The following NLRP13 variants were observed in gnomAD, a reference collection of about 807,000 sequenced individuals.
The protein encoded by NLRP13 is NACHT, LRR and PYD domains-containing protein 13.
NLRP13 carries 82 observed loss-of-function variants against 94.4 expected under a neutral mutation model. That is an observed-to-expected ratio of 0.87 (90% CI 0.73 to 1.04). The LOEUF (loss-of-function observed/expected upper bound fraction) is 1.04, where lower values mean the gene tolerates loss of function less well. Among genes scored for constraint, NLRP13 ranks in the 50% least tolerant of loss-of-function variants. The pLI is 0.00. For missense variants in NLRP13, 1,426 were observed against 1,230.8 expected (o/e 1.16, Z -2.37); for synonymous variants, 553 against 464.7 (o/e 1.19, Z -2.45).
chr19:55,906,970 T>G (rs35077832), intron 7 of NLRP13, among the ~76,000 whole-genome samples: 1 of 151,414 alleles, frequency 6.6e-6, no homozygotes, highest in Non-Finnish European at 1.5e-5. Context: ...ATTATTATTT[T>G]TTTTTTTGAG....
At chr19:55,926,729 T>C (rs1986974836) in intron 1 of NLRP13, among the ~76,000 whole-genome samples, 1 of 152,150 alleles carries the variant, frequency 6.6e-6, no homozygotes, top group Non-Finnish European at 1.5e-5. Context: ...GTGGGGGAAA[T>C]CTTGGCCTTG....
intron 4 of NLRP13, 133 bp downstream of exon 4, chr19:55,923,781 G>T: frequency 1.5e-6 from 1 of 685,458 alleles, no homozygotes; most frequent in Non-Finnish European, 2.6e-6. Flanking sequence ...AGAACCAGTT[G>T]GGAAGAGCTT....
Position 55,924,629 on chromosome 19 carries a change from G to T in NLRP13, c.418C>A (p.Pro140Thr). ...AGCTCGTCTAGTTCTTCTTGGTTTG[G>T]ATCTTGGCATCCCTGGGTCTGCATA... Reference protein sequence around the residue: ...GNMQTQGCQDPNQEELDELEE... With the variant: ...GNMQTQGCQDTNQEELDELEE... The change falls in exon 3 of 11, where the codon CCA (proline) becomes ACA (threonine). Residue 140 changes from proline (P) to threonine (T), a missense_variant. Physicochemically the swap from Pro to Thr is conservative, Grantham distance 38 (BLOSUM62 -1). Coordinates refer to ENST00000342929, the MANE Select transcript of NLRP13 (RefSeq NM_176810.2). The T allele has an allele frequency of 6.2e-7, 1 of 1,613,452 alleles. No individual in the cohort carries two copies. Among genetic ancestry groups the T allele is most frequent in the Non-Finnish European group, 8.5e-7 (1 of 1,179,692 alleles).
intron 9 of NLRP13, among the ~76,000 whole-genome samples, chr19:55,899,734 T>C (rs10422494): frequency 1 from 151,583 of 152,226 alleles, 75,473 homozygotes; most frequent in Middle Eastern, 1. Flanking sequence ...GAGCCGAGAT[T>C]GCACCATTGT....
At chr19:55,916,450 C>A (rs1171181923) in intron 4 of NLRP13, among the ~76,000 whole-genome samples, 1 of 152,022 alleles carries the variant, frequency 6.6e-6, no homozygotes, top group East Asian at 1.9e-4. Context: ...CAAGAGAAAT[C>A]ATAAAACCTG....
At position 55,925,005 on chromosome 19, in the gene NLRP13, G is replaced by A. The variant is rs758461215; in HGVS notation, c.350C>T (p.Pro117Leu). ...TAGCATCTCTAGATCTTCCTGGGTTGGATCTTGCAGCTCTTGGGTCTGCAC... is the reference window on the plus strand; with the variant it reads ...TAGCATCTCTAGATCTTCCTGGGTTAGATCTTGCAGCTCTTGGGTCTGCAC... Reference protein sequence around the residue: ...ENVQTQELQDPTQEDLEMLEA... With the variant: ...ENVQTQELQDLTQEDLEMLEA... Residue 117 changes from proline to leucine, a missense_variant, in exon 2 of 11, where the codon CCA (proline) becomes CTA (leucine). Pro to Leu is a moderately conservative substitution (Grantham distance 98). Transcript: ENST00000342929. 2 of 1,614,048 alleles carry A rather than the reference G, an allele frequency of 1.2e-6. No individual in the cohort carries two copies. Among genetic ancestry groups the A allele is most frequent in the South Asian group, 1.1e-5 (1 of 91,080 alleles).
intron 8 of NLRP13, among the ~76,000 whole-genome samples, chr19:55,903,534 T>C (rs1360007014): frequency 6.6e-6 from 1 of 152,034 alleles, no homozygotes; most frequent in Non-Finnish European, 1.5e-5. Flanking sequence ...CACAAGGCAA[T>C]CTTCTAGATT....
At chr19:55,925,781 A>G (rs1986952470) in intron 1 of NLRP13, among the ~76,000 whole-genome samples, 1 of 152,152 alleles carries the variant, frequency 6.6e-6, no homozygotes, top group Non-Finnish European at 1.5e-5. Context: ...TCTAATATTT[A>G]CAACTCCATT....
At chr19:55,928,628 T>C (rs1312387398) in intron 1 of NLRP13, among the ~76,000 whole-genome samples, 1 of 152,240 alleles carries the variant, frequency 6.6e-6, no homozygotes, top group Non-Finnish European at 1.5e-5. Flanking sequence ...TTTGAGAGCA[T>C]TCTCCTCTGT....
chr19:55,906,563 G>A (rs959716410), intron 7 of NLRP13, among the ~76,000 whole-genome samples: 4 of 152,046 alleles, frequency 2.6e-5, no homozygotes, highest in Admixed American at 2.0e-4. Context: ...CGTTGGTAGC[G>A]TGGAGGACTC....
In NLRP13 at chr19:55,927,456, T is replaced by TC. The variant is rs200251152; in HGVS notation, c.320-2422_320-2421insG. Reference sequence around the variant, plus strand: ...GCCTGTGAAATAAAGTCTAATTCCTTAAAAAAAAAAAAAAATCCCAGTTCT... The same window carrying TC: ...GCCTGTGAAATAAAGTCTAATTCCTTCAAAAAAAAAAAAAAATCCCAGTTCT... On this transcript the variant is annotated intron_variant, in intron 1 of 10. Transcript: ENST00000342929. Among the ~76,000 whole-genome samples the TC allele has an allele frequency of 1.5e-3, 218 of 144,922 alleles. 1 individual carries two copies. The highest frequency in any genetic ancestry group is 0.011 in the South Asian group (49 of 4,592).
intron 9 of NLRP13, among the ~76,000 whole-genome samples, chr19:55,899,953 GTTT>G (rs34231494): frequency 3.9e-4 from 55 of 141,100 alleles, no homozygotes; most frequent in African/African-American, 9.3e-4. Context: ...TATAATTGTT[GTTT>G]TTTTTTTTTT....
intron 7 of NLRP13, among the ~76,000 whole-genome samples, chr19:55,906,112 T>C (rs777231868): frequency 6.6e-6 from 1 of 151,436 alleles, no homozygotes; most frequent in Non-Finnish European, 1.5e-5. Context: ...CCAAGGCGAG[T>C]GGATCACCTG....
At chr19:55,900,016 CTTTCAAAATTGCTAACATAATAAA>C (rs1986122723) in intron 9 of NLRP13, among the ~76,000 whole-genome samples, 1 of 150,486 alleles carries the variant, frequency 6.6e-6, no homozygotes, top group Non-Finnish European at 1.5e-5. Flanking sequence ...AACATTGTAC[CTTTCAAAATTGCTAACATAATAAA>C]TTTCAAATAT....
chr19:55,908,391 A>T (rs1159073578), intron 6 of NLRP13, among the ~76,000 whole-genome samples: 1 of 152,248 alleles, frequency 6.6e-6, no homozygotes, highest in Non-Finnish European at 1.5e-5. Context: ...AGAAAAATTT[A>T]AAAAGAAGAC....
chr19:55,929,633 G>A (rs996303165), intron 1 of NLRP13, among the ~76,000 whole-genome samples: 1 of 152,068 alleles, frequency 6.6e-6, no homozygotes. Flanking sequence ...AGTGGGTGGG[G>A]GGCTAGGGGA....
At chr19:55,896,702 C>T (rs1986022217) in intron 10 of NLRP13, among the ~76,000 whole-genome samples, 1 of 150,452 alleles carries the variant, frequency 6.6e-6, no homozygotes, top group Non-Finnish European at 1.5e-5. Flanking sequence ...TGTCTGTAAT[C>T]CCAGCTGCTT....
intron 4 of NLRP13, among the ~76,000 whole-genome samples, chr19:55,920,391 G>C (rs544465175): frequency 6.6e-6 from 1 of 152,044 alleles, no homozygotes; most frequent in Non-Finnish European, 1.5e-5. Flanking sequence ...TAACCTGCAG[G>C]ATAGGAAAAA....
chr19:55,895,470 G>A (rs535351215), downstream of NLRP13, among the ~76,000 whole-genome samples: 1 of 152,178 alleles, frequency 6.6e-6, no homozygotes, highest in African/African-American at 2.4e-5. Context: ...ATCACCTGAG[G>A]TCAGGAGTTC....
Sources: allele counts gnomAD v4.1 joint callset (sites outside exome capture counted in the v4.1 genomes callset), GRCh38; gene constraint gnomAD v4.1.1; transcripts MANE v1.5; gene names NCBI Gene and HGNC (gene_info 2026-07-23, HGNC 2026-07-21).